CFAP44: variants seen among roughly 807,000 people sequenced by gnomAD.
The protein encoded by CFAP44 is cilia- and flagella-associated protein 44.
Under a neutral mutation model 216.2 loss-of-function variants are expected in CFAP44, and 134 were observed. The ratio of observed to expected loss-of-function variants is 0.62; its 90% CI spans 0.54 to 0.72. The LOEUF (loss-of-function observed/expected upper bound fraction) is 0.72, where lower values mean the gene tolerates loss of function less well. Ranked by LOEUF, CFAP44 falls within the 30% of genes least tolerant of loss-of-function variation. The pLI is 0.00. For synonymous variants in CFAP44, 700 were observed against 727.6 expected, an observed-to-expected ratio of 0.96 and a Z score of 0.61; for missense variants, 2,035 against 2,182.1, an observed-to-expected ratio of 0.93 and a Z score of 1.34.
Position 113,400,656 on chromosome 3 carries a change from T to C in CFAP44, c.1375-12A>G, listed in dbSNP as rs368873366. On this transcript the variant is annotated splice_polypyrimidine_tract_variant and intron_variant, in intron 11 of 34. Transcript: ENST00000393845. ...TCTGGGTCCTGGGTCTGAGAATAGA[T>C]AGACAGCTTACTAGATCTCAAAGAC... The C allele has an allele frequency of 1.3e-5, 21 of 1,602,188 alleles. No individual in the cohort carries two copies. The Admixed American group carries it at 2.4e-4, about 18-fold the overall frequency.
intron 24 of CFAP44, among the ~76,000 whole-genome samples, chr3:113,339,454 C>A (rs546543221): frequency 6.8e-4 from 103 of 152,268 alleles, no homozygotes; most frequent in African/African-American, 2.1e-3. Context: ...CGGTATGTAC[C>A]AATGAAGTAG....
intron 29 of CFAP44, among the ~76,000 whole-genome samples, chr3:113,307,827 A>G (rs890041325): frequency 3.3e-5 from 5 of 152,246 alleles, no homozygotes; most frequent in Admixed American, 3.3e-4. Context: ...AAAAATACAA[A>G]AAATTAGGTG....
chr3:113,391,537 T>C (rs141725293), intron 15 of CFAP44, among the ~76,000 whole-genome samples: 33 of 152,036 alleles, frequency 2.2e-4, no homozygotes, highest in African/African-American at 7.7e-4. Flanking sequence ...AAGGAAGACA[T>C]CAATAAAGTG....
chr3:113,409,992 C>T (rs1419022535), intron 6 of CFAP44, among the ~76,000 whole-genome samples: 2 of 152,128 alleles, frequency 1.3e-5, no homozygotes, highest in Admixed American at 1.3e-4. Flanking sequence ...CAGGAATTGC[C>T]CACCCGTTTC....
rs902024413 is a variant in CFAP44, at chr3:113,287,211, T to G, written c.*4346A>C. On this transcript the variant is annotated 3_prime_UTR_variant, in exon 35 of 35. Transcript: ENST00000393845. ...GGCAAGAGGAAGGATCCCAGGCACA[T>G]GGTTCATCACGAGCATGAGGGAACA... 7.8e-6 allele frequency: 3 copies of G among 384,764 alleles called. No homozygotes were observed. The highest frequency in any genetic ancestry group is 4.3e-5 in the African/African-American group (2 of 46,972). The allele number at this position is 384,764 out of a possible 1,614,324, so 23.8% of individuals were successfully genotyped here.
chr3:113,382,360 T>C (rs1195382820), intron 15 of CFAP44, among the ~76,000 whole-genome samples: 2 of 152,192 alleles, frequency 1.3e-5, no homozygotes, highest in Non-Finnish European at 2.9e-5. Context: ...ATGGATATTA[T>C]TGGTGCTTTT....
chr3:113,301,829 A>T (rs1576536541), intron 32 of CFAP44, among the ~76,000 whole-genome samples: 2 of 152,332 alleles, frequency 1.3e-5, no homozygotes, highest in African/African-American at 4.8e-5. Context: ...ACACATTGTT[A>T]TTAACTATAG....
chr3:113,439,899 T>G (rs1274493743), intron 1 of CFAP44, among the ~76,000 whole-genome samples: 1 of 152,174 alleles, frequency 6.6e-6, no homozygotes, highest in Non-Finnish European at 1.5e-5. Context: ...TAAAACAGAC[T>G]CTCGGTTTTT....
intron 25 of CFAP44, 48 bp downstream of exon 25, chr3:113,333,358 A>G: frequency 6.7e-7 from 1 of 1,490,592 alleles, no homozygotes; most frequent in South Asian, 1.3e-5. Flanking sequence ...AATTTAATTA[A>G]GAACCCAGGG....
chr3:113,312,921 T>C (rs1170583367), intron 28 of CFAP44, among the ~76,000 whole-genome samples: 1 of 152,056 alleles, frequency 6.6e-6, no homozygotes, highest in Non-Finnish European at 1.5e-5. Flanking sequence ...GCTGCAGGGG[T>C]GGGGCACTCA....
intron 22 of CFAP44, among the ~76,000 whole-genome samples, chr3:113,353,441 T>C (rs1950463619): frequency 7.0e-6 from 1 of 142,778 alleles, no homozygotes; most frequent in African/African-American, 2.7e-5. Context: ...AGGATTCATA[T>C]ATATGTATGA....
chr3:113,349,609 C>A (rs1950423457), intron 22 of CFAP44, among the ~76,000 whole-genome samples: 1 of 152,176 alleles, frequency 6.6e-6, no homozygotes, highest in Non-Finnish European at 1.5e-5. Context: ...GTCCACTATC[C>A]CGAGGCAATT....
At position 113,316,305 on chromosome 3, in the gene CFAP44, G is replaced by A. The variant is rs533310860; in HGVS notation, c.4517-8037C>T. The stretch of plus-strand genomic sequence containing the variant: ...TGAGATGCAGCCAAAGCAGAGTTAA[G>A]AGGGAATTTATAGCACTAAATTAGA... On this transcript the variant is annotated intron_variant, in intron 28 of 34. Transcript: ENST00000393845. 5.9e-5 allele frequency among the ~76,000 whole-genome samples: 9 copies of A among 152,278 alleles called. No homozygotes were observed. The South Asian group carries it at 1.5e-3, about 25-fold the overall frequency.
intron 28 of CFAP44, among the ~76,000 whole-genome samples, chr3:113,315,966 C>A (rs1576544012): frequency 6.6e-6 from 1 of 152,168 alleles, no homozygotes; most frequent in African/African-American, 2.4e-5. Context: ...TCAGGACATA[C>A]CCCATGGTAA....
intron 28 of CFAP44, among the ~76,000 whole-genome samples, chr3:113,311,698 A>G (rs548101431): frequency 1.3e-5 from 2 of 152,290 alleles, no homozygotes; most frequent in Admixed American, 6.5e-5. Context: ...GAACTGGGTA[A>G]CAGGCAGAGG....
At position 113,420,037 on chromosome 3, in the gene CFAP44, C is replaced by T. The variant is rs1323128617; in HGVS notation, c.550G>A (p.Glu184Lys). The change falls in exon 5 of 35, where the codon GAA becomes AAA. Residue 184 changes from glutamate (E) to lysine (K), a missense_variant. By Grantham distance (56) the Glu-to-Lys change is moderately conservative. Coordinates refer to ENST00000393845, the MANE Select transcript of CFAP44 (RefSeq NM_001164496.2). ...EQIYLRSSSG[E>K]GIGVIGVHPH... ...CATACCCCAATGACGCCAATTCCTT[C>T]ACCACTGCTACTTCGCAGGTAGATC... is the stretch of plus-strand genomic sequence containing the variant. 7 of 1,613,444 alleles carry T rather than the reference C, an allele frequency of 4.3e-6. No individual in the cohort carries two copies. Among genetic ancestry groups the T allele is most frequent in the South Asian group, 2.2e-5 (2 of 90,878 alleles).
intron 15 of CFAP44, among the ~76,000 whole-genome samples, chr3:113,385,205 G>T (rs1165997456): frequency 6.6e-6 from 1 of 152,160 alleles, no homozygotes; most frequent in Non-Finnish European, 1.5e-5. Flanking sequence ...GGAACTGTGA[G>T]TCCATTAAAC....
intron 26 of CFAP44, among the ~76,000 whole-genome samples, chr3:113,328,308 C>CTTTTTTTTTTTTTTTTTTTTTTT (rs1553753817): frequency 1.3e-5 from 2 of 149,040 alleles, no homozygotes; most frequent in South Asian, 2.2e-4. Flanking sequence ...CAATCTCTTT[C>CTTTTTTTTTTTTTTTTTTTTTTT]TAAGATTGAA....
chr3:113,408,885 C>T (rs1356348421), intron 7 of CFAP44, among the ~76,000 whole-genome samples: 1 of 149,868 alleles, frequency 6.7e-6, no homozygotes, highest in East Asian at 2.0e-4. Flanking sequence ...AAAAAAAAGC[C>T]CTTATTTTAT....
Sources: allele counts gnomAD v4.1 joint callset (sites outside exome capture counted in the v4.1 genomes callset), GRCh38; gene constraint gnomAD v4.1.1; transcripts MANE v1.5; gene names NCBI Gene and HGNC (gene_info 2026-07-23, HGNC 2026-07-21).